Variants in ADHFE1 observed in about 807,000 individuals in gnomAD.
ADHFE1 encodes the protein alcohol dehydrogenase iron containing 1.
ADHFE1 carries 37 observed loss-of-function variants against 54.8 expected under a neutral mutation model. That is an observed-to-expected ratio of 0.68 (90% CI 0.52 to 0.89). ADHFE1 has a LOEUF of 0.89. Ranked by LOEUF, ADHFE1 falls within the 40% of genes least tolerant of loss-of-function variation. The pLI is 0.00. For synonymous variants in ADHFE1, 203 were observed against 229.3 expected, an observed-to-expected ratio of 0.89 and a Z score of 1.04; for missense variants, 601 against 591.2, an observed-to-expected ratio of 1.02 and a Z score of -0.17.
intron 1 of ADHFE1, chr8:66,432,876 G>A: frequency 8.3e-7 from 1 of 1,202,932 alleles, no homozygotes; most frequent in Non-Finnish European, 1.0e-6. Flanking sequence ...TGGCACGGTG[G>A]CCAAGACAAA....
intron 10 of ADHFE1, among the ~76,000 whole-genome samples, chr8:66,455,779 C>T (rs1214293808): frequency 6.6e-6 from 1 of 152,038 alleles, no homozygotes; most frequent in Non-Finnish European, 1.5e-5. Flanking sequence ...AAAAATTAGC[C>T]AAGTGTGGTG....
At chr8:66,451,159 T>C (rs1806279176) in intron 8 of ADHFE1, among the ~76,000 whole-genome samples, 1 of 152,238 alleles carries the variant, frequency 6.6e-6, no homozygotes, top group Non-Finnish European at 1.5e-5. Flanking sequence ...TCTTCTGCAG[T>C]TGATGAGCTA....
chr8:66,449,126 G>T (rs1220526890), intron 8 of ADHFE1, among the ~76,000 whole-genome samples, 156 bp downstream of exon 8: 1 of 152,212 alleles, frequency 6.6e-6, no homozygotes, highest in East Asian at 1.9e-4. Context: ...AAACATTCAA[G>T]CTTTAGAGGT....
chr8:66,452,702 TA>T (rs1364253354), intron 9 of ADHFE1, among the ~76,000 whole-genome samples: 2 of 152,098 alleles, frequency 1.3e-5, no homozygotes. Context: ...CCAGGAGATA[TA>T]AAAGGCAGAA....
intron 1 of ADHFE1, among the ~76,000 whole-genome samples, chr8:66,434,706 C>T (rs543280907): frequency 3.9e-5 from 6 of 152,304 alleles, no homozygotes; most frequent in South Asian, 2.1e-4. Context: ...AGAGCAACTG[C>T]GCTGACAACT....
chr8:66,437,927 A>G (rs1805549159), intron 1 of ADHFE1, among the ~76,000 whole-genome samples: 1 of 152,224 alleles, frequency 6.6e-6, no homozygotes, highest in Admixed American at 6.5e-5. Context: ...CAAGGAAAGT[A>G]TGTTACAGGC....
chr8:66,444,888 G>T (rs1486124646), intron 5 of ADHFE1, 140 bp downstream of exon 5: 4 of 1,056,022 alleles, frequency 3.8e-6, no homozygotes, highest in African/African-American at 1.6e-5. Flanking sequence ...ATTGCTTGAG[G>T]TCAGGAGTTC....
At chr8:66,444,524 A>G (rs754646529) in intron 4 of ADHFE1, 70 bp from the exon 5 acceptor site, 13 of 1,608,416 alleles carry the variant, frequency 8.1e-6, no homozygotes, top group African/African-American at 2.7e-5. Flanking sequence ...AAAATGTACA[A>G]CGTGAGTTTG....
At chr8:66,448,081 G>A (rs968282688) in intron 7 of ADHFE1, among the ~76,000 whole-genome samples, 3 of 152,114 alleles carry the variant, frequency 2.0e-5, no homozygotes, top group Admixed American at 6.5e-5. Context: ...CCTTTTCCCA[G>A]GTAACCTCTG....
At chr8:66,442,708 A>ATACTTATGTTCACTGCTGGATTT in intron 2 of ADHFE1, 90 bp from the exon 3 acceptor site, 1 of 1,146,996 alleles carries the variant, frequency 8.7e-7, no homozygotes, top group Non-Finnish European at 1.3e-6. Flanking sequence ...TTCAAAGGAA[A>ATACTTATGTTCACTGCTGGATTT]TACTTATGTT....
chr8:66,461,247 C>G (rs1563495216), intron 13 of ADHFE1, among the ~76,000 whole-genome samples: 1 of 152,286 alleles, frequency 6.6e-6, no homozygotes, highest in East Asian at 1.9e-4. Context: ...CAGAATACTC[C>G]TTTAGTCCTC....
chr8:66,443,705 T>A (rs550658032), intron 3 of ADHFE1, among the ~76,000 whole-genome samples: 1 of 152,228 alleles, frequency 6.6e-6, no homozygotes, highest in South Asian at 2.1e-4. Flanking sequence ...CACTCAACCT[T>A]ATAAGATCAC....
chr8:66,447,043 A>G (rs1256621809), intron 6 of ADHFE1, among the ~76,000 whole-genome samples: 1 of 152,208 alleles, frequency 6.6e-6, no homozygotes, highest in African/African-American at 2.4e-5. Context: ...ATGATAACAC[A>G]GACACTGACA....
At chr8:66,456,741 C>T (rs1329607605) in intron 10 of ADHFE1, 76 bp from the exon 11 acceptor site, 12 of 1,120,720 alleles carry the variant, frequency 1.1e-5, no homozygotes, top group African/African-American at 1.5e-5. Flanking sequence ...CAGGCATCCC[C>T]ATAAGAGTAT....
intron 9 of ADHFE1, among the ~76,000 whole-genome samples, chr8:66,453,362 C>G (rs963683963): frequency 2.0e-5 from 3 of 152,170 alleles, no homozygotes; most frequent in African/African-American, 7.2e-5. Flanking sequence ...GGAACTCTTA[C>G]GCAAGGCAAA....
Position 66,439,585 on chromosome 8 carries a change from G to A in ADHFE1, c.60-577G>A. The A allele has an allele frequency of 1.0e-6, 1 of 985,928 alleles. No homozygotes were observed. The highest frequency in any genetic ancestry group is 1.2e-6 in the Non-Finnish European group (1 of 830,316). The allele number at this position is 985,928 out of a possible 1,614,324, so 61.1% of individuals were successfully genotyped here. A position where few individuals can be genotyped will look rare whatever the true frequency, so the allele number is the denominator to read the frequency against. ...CTCTGGGGAGCGGCGCGGCGGGGAC[G>A]GAGGAGAGCTCGGAGCCCGGGGCTG... On this transcript the variant is annotated intron_variant, in intron 1 of 13. Transcript: ENST00000396623. The surrounding 1 kb of genome is among the most constrained non-coding windows in gnomAD (Gnocchi z 4.4).
In ADHFE1 at chr8:66,468,451, T is replaced by C. The variant is rs915630504; in HGVS notation, c.*99T>C. Reference sequence around the variant, plus strand: ...TGTCTTTTCATCTTTGCGCATAACTTACCTGTTACCAGTATAGGTGGGATA... The same window carrying C: ...TGTCTTTTCATCTTTGCGCATAACTCACCTGTTACCAGTATAGGTGGGATA... On this transcript the variant is annotated 3_prime_UTR_variant, in exon 14 of 14. Transcript: ENST00000396623. 5 of 880,636 alleles carry C rather than the reference T, an allele frequency of 5.7e-6. No homozygotes were observed. Among genetic ancestry groups the C allele is most frequent in the Non-Finnish European group, 6.8e-6 (4 of 588,884 alleles). The allele number at this position is 880,636 out of a possible 1,614,324, so 54.6% of individuals were successfully genotyped here. A position where few individuals can be genotyped will look rare whatever the true frequency, so the allele number is the denominator to read the frequency against.
Position 66,444,692 on chromosome 8 carries a change from G to A in ADHFE1, c.297G>A (p.Lys99=), listed in dbSNP as rs771829089. The change falls in exon 5 of 14, where the codon AAG becomes AAA. Residue 99 remains lysine, a synonymous_variant. Coordinates refer to ENST00000396623, the MANE Select transcript of ADHFE1 (RefSeq NM_144650.3). ...PVQVAMDSLV[K]NGIPFTVYDN... is the part of the protein sequence containing the mutation. ...AAGTAGCTATGGATTCCCTAGTGAA[G>A]AATGGCATCCCCTTTACGGTTTATG... is the stretch of plus-strand genomic sequence containing the variant. 6.2e-7 allele frequency: 1 copy of A among 1,614,204 alleles called. No homozygotes were observed. Among genetic ancestry groups the A allele is most frequent in the African/African-American group, 1.3e-5 (1 of 75,064 alleles).
At chr8:66,453,225 T>C (rs964874948) in intron 9 of ADHFE1, among the ~76,000 whole-genome samples, 1 of 152,176 alleles carries the variant, frequency 6.6e-6, no homozygotes, top group Non-Finnish European at 1.5e-5. Context: ...TACTTCGCCT[T>C]GTCACTGGGG....
Sources: allele counts gnomAD v4.1 joint callset (sites outside exome capture counted in the v4.1 genomes callset), GRCh38; gene constraint gnomAD v4.1.1; non-coding constraint Gnocchi (gnomAD v3.1); transcripts MANE v1.5; gene names NCBI Gene and HGNC (gene_info 2026-07-23, HGNC 2026-07-21).